MSRA: variants seen among roughly 807,000 people sequenced by gnomAD.
MSRA encodes the protein mitochondrial peptide methionine sulfoxide reductase.
MSRA carries 54 observed loss-of-function variants against 31.3 expected under a neutral mutation model. The observed-to-expected ratio is 1.73, with a 90% CI of 1.39 to 2.17. The LOEUF (loss-of-function observed/expected upper bound fraction) is 2.17, where lower values mean the gene tolerates loss of function less well. MSRA is among the 30% of genes most tolerant of loss of function. The probability of loss-of-function intolerance (pLI) is 0.00; values close to 1 mark genes in which losing one functional copy is unlikely to be tolerated. For synonymous variants in MSRA, 169 were observed against 116.5 expected (o/e 1.45, Z -2.90); for missense variants, 507 against 300.9 (o/e 1.69, Z -5.07).
intron 5 of MSRA, among the ~76,000 whole-genome samples, chr8:10,376,125 C>G (rs1321820987): frequency 1.3e-5 from 2 of 152,182 alleles, no homozygotes; most frequent in Non-Finnish European, 2.9e-5. Flanking sequence ...ACTCACATTT[C>G]TGACAATCTG....
At chr8:10,065,215 G>T (rs1370401912) in intron 1 of MSRA, among the ~76,000 whole-genome samples, 1 of 152,026 alleles carries the variant, frequency 6.6e-6, no homozygotes, top group Non-Finnish European at 1.5e-5. Context: ...GAGCCCCAGG[G>T]TGTCCAGGTG....
intron 1 of MSRA, among the ~76,000 whole-genome samples, chr8:10,135,516 T>C (rs1484383054): frequency 6.6e-6 from 1 of 152,248 alleles, no homozygotes; most frequent in African/African-American, 2.4e-5. Context: ...GGATAATGAC[T>C]AATGTGCCAG....
At chr8:10,422,759 C>G (rs7832699) in intron 5 of MSRA, among the ~76,000 whole-genome samples, 143,377 of 152,254 alleles carry the variant, frequency 0.94, 68,127 homozygotes, top group East Asian at 1. Context: ...CCACAGGCTG[C>G]AGTAGGGAGC....
At chr8:10,424,906 G>A (rs978774807) in intron 5 of MSRA, among the ~76,000 whole-genome samples, 1 of 152,184 alleles carries the variant, frequency 6.6e-6, no homozygotes, top group African/African-American at 2.4e-5. Flanking sequence ...GGCCCACCCC[G>A]GGGGACAGCG....
chr8:10,283,526 G>T (rs1396698604), intron 3 of MSRA, among the ~76,000 whole-genome samples: 1 of 151,668 alleles, frequency 6.6e-6, no homozygotes, highest in African/African-American at 2.4e-5. Context: ...GTGAGATTTT[G>T]TTGCACCCAT....
At chr8:10,174,408 G>A (rs1256872335) in intron 1 of MSRA, among the ~76,000 whole-genome samples, 3 of 152,118 alleles carry the variant, frequency 2.0e-5, no homozygotes, top group African/African-American at 4.8e-5. Context: ...GCAAGTCTAT[G>A]TGTTTGGTGT....
At chr8:10,283,333 A>G (rs1289574475) in intron 3 of MSRA, among the ~76,000 whole-genome samples, 1 of 152,100 alleles carries the variant, frequency 6.6e-6, no homozygotes, top group Non-Finnish European at 1.5e-5. Flanking sequence ...CCCTCTTCAT[A>G]TTTATTAGGA....
intron 5 of MSRA, among the ~76,000 whole-genome samples, chr8:10,398,424 T>A (rs1487136496): frequency 2.0e-5 from 3 of 152,250 alleles, no homozygotes; most frequent in East Asian, 3.8e-4. Context: ...GCAGCAAAGT[T>A]GTTCTGCAGC....
At chr8:10,153,234 G>C (rs1024679584) in intron 1 of MSRA, among the ~76,000 whole-genome samples, 11 of 152,156 alleles carry the variant, frequency 7.2e-5, no homozygotes, top group African/African-American at 2.7e-4. Context: ...TGAGAAGTTG[G>C]CCTGGCTGGA....
intron 1 of MSRA, among the ~76,000 whole-genome samples, chr8:10,061,044 C>G (rs1035975667): frequency 6.6e-6 from 1 of 152,040 alleles, no homozygotes; most frequent in African/African-American, 2.4e-5. Flanking sequence ...TGCATCCTGC[C>G]CAGAGCTCTT....
At chr8:10,118,674 T>G (rs1320527486) in intron 1 of MSRA, among the ~76,000 whole-genome samples, 1 of 152,154 alleles carries the variant, frequency 6.6e-6, no homozygotes, top group Non-Finnish European at 1.5e-5. Context: ...CCGCTGCCCC[T>G]GGCCTTGGCA....
chr8:10,323,075 G>C (rs1009225955), intron 5 of MSRA, among the ~76,000 whole-genome samples: 5 of 134,458 alleles, frequency 3.7e-5, no homozygotes, highest in African/African-American at 1.4e-4. Context: ...GGGCAACAGA[G>C]TGAGACTCCA....
rs190834111 is a variant in MSRA, at chr8:10,387,766, C to A, written c.544-40382C>A. Among the ~76,000 whole-genome samples, 144 of 152,270 alleles carry A rather than the reference C, an allele frequency of 9.5e-4. 1 individual carries two copies. The highest frequency in any genetic ancestry group is 7.2e-4 in the Admixed American group (11 of 15,298). ...TCTTTTCTCCTGTAGTTCATCTTTC[C>A]TAGTTATTCAGTGAGATTCCTAGGG... On this transcript the variant is annotated intron_variant, in intron 5 of 5. Transcript: ENST00000317173.
chr8:10,091,529 G>A (rs938616287), intron 1 of MSRA, among the ~76,000 whole-genome samples: 1 of 151,822 alleles, frequency 6.6e-6, no homozygotes, highest in Non-Finnish European at 1.5e-5. Flanking sequence ...GAACATGGGA[G>A]TACACATTGT....
chr8:10,380,805 G>T (rs2129174451), intron 5 of MSRA, among the ~76,000 whole-genome samples: 1 of 152,096 alleles, frequency 6.6e-6, no homozygotes, highest in East Asian at 1.9e-4. Context: ...TGGGTGGATG[G>T]ATGGAGGGTT....
At chr8:10,242,316 A>C (rs1209077388) in intron 2 of MSRA, among the ~76,000 whole-genome samples, 1 of 152,042 alleles carries the variant, frequency 6.6e-6, no homozygotes, top group Non-Finnish European at 1.5e-5. Flanking sequence ...TAAAAAAATG[A>C]GCAAGACTAT....
chr8:10,267,570 A>T (rs537690061), intron 3 of MSRA, among the ~76,000 whole-genome samples: 2 of 152,148 alleles, frequency 1.3e-5, no homozygotes, highest in African/African-American at 4.8e-5. Context: ...GGGAATTACT[A>T]TGGGTCCTAG....
chr8:10,149,469 G>A (rs1050353524), intron 1 of MSRA, among the ~76,000 whole-genome samples: 1 of 152,198 alleles, frequency 6.6e-6, no homozygotes, highest in African/African-American at 2.4e-5. Flanking sequence ...TCCCTGCCCA[G>A]GCCCCTCCAG....
intron 5 of MSRA, among the ~76,000 whole-genome samples, chr8:10,358,769 T>C (rs950312892): frequency 6.7e-6 from 1 of 149,286 alleles, no homozygotes; most frequent in Non-Finnish European, 1.5e-5. Flanking sequence ...ATTTTTTGTA[T>C]TTTTAGTAGA....
Sources: allele counts gnomAD v4.1 joint callset (sites outside exome capture counted in the v4.1 genomes callset), GRCh38; gene constraint gnomAD v4.1.1; transcripts MANE v1.5; gene names NCBI Gene and HGNC (gene_info 2026-07-23, HGNC 2026-07-21).